HPS4: variants seen among roughly 807,000 people sequenced by gnomAD.
HPS4 encodes BLOC-3 complex member HPS4.
Under a neutral mutation model 70.3 loss-of-function variants are expected in HPS4, and 44 were observed. That is an observed-to-expected ratio of 0.63 (90% CI 0.49 to 0.80). The LOEUF (loss-of-function observed/expected upper bound fraction) is 0.80, where lower values mean the gene tolerates loss of function less well. Among genes scored for constraint, HPS4 ranks in the 30% least tolerant of loss-of-function variants. The probability of loss-of-function intolerance (pLI) is 0.00; values close to 1 mark genes in which losing one functional copy is unlikely to be tolerated. For synonymous variants in HPS4, 377 were observed against 355.9 expected (o/e 1.06, Z -0.67); for missense variants, 873 against 884.4 (o/e 0.99, Z 0.16).
At chr22:26,450,862 C>T (rs988586676), downstream of HPS4, among the ~76,000 whole-genome samples, 2 of 152,352 alleles carry the variant, frequency 1.3e-5, no homozygotes, top group Non-Finnish European at 2.9e-5. Context: ...CCCTGCAGAA[C>T]TGTGAGTCAG....
At chr22:26,445,438 T>A (rs554115721) in intron 3 of HPS4, among the ~76,000 whole-genome samples, 1 of 152,170 alleles carries the variant, frequency 6.6e-6, no homozygotes, top group South Asian at 2.1e-4. Context: ...TCGTGGATAG[T>A]GAATGAAGCA....
Position 26,458,503 on chromosome 22 carries a change from G to C in HPS4, c.1788C>G (p.Ala596=), listed in dbSNP as rs770733264. 5 of 1,614,006 alleles carry C rather than the reference G, an allele frequency of 3.1e-6. No homozygotes were observed. In the African/African-American group the frequency reaches 6.7e-5, roughly 22 times the overall value. Reference sequence around the variant, plus strand: ...TGAAGTTGTAGGTGCTGCTCGTGGAGGCTGCCTCATCCCTGGGCAGCGTCT... The same window carrying C: ...TGAAGTTGTAGGTGCTGCTCGTGGACGCTGCCTCATCCCTGGGCAGCGTCT... ...LKETLPRDEA[A]STSSTYNFTH... is the part of the protein sequence containing the mutation. Residue 596 remains alanine (A), a synonymous_variant, in exon 12 of 14, where the codon GCC becomes GCG. Transcript: ENST00000398145.
At chr22:26,481,612 ATTG>A in intron 2 of HPS4, 107 bp downstream of exon 2, 1 of 1,030,678 alleles carries the variant, frequency 9.7e-7, no homozygotes, top group South Asian at 1.3e-5. Context: ...TGGCATTTTT[ATTG>A]TTATGTTAAT....
intron 4 of HPS4, among the ~76,000 whole-genome samples, chr22:26,473,489 C>T (rs1374645345): frequency 1.3e-5 from 2 of 152,242 alleles, no homozygotes; most frequent in Middle Eastern, 3.4e-3. Context: ...AATACTTGGC[C>T]GGGCACGGTG....
rs149830675 is a variant in HPS4 at position 26,477,019 on chromosome 22, T to C, written c.250A>G (p.Ile84Val). Residue 84 changes from isoleucine (I) to valine (V), a missense_variant, in exon 4 of 14, where the codon ATA (isoleucine) becomes GTA (valine). Physicochemically the swap from Ile to Val is conservative, Grantham distance 29. Transcript: ENST00000398145. ...LVRLRKLKFA[I>V]KVDGDYLWVL... is the part of the protein sequence containing the mutation. ...CAAAGGTAATCTCCATCAACTTTTA[T>C]GGCAAACTTCAGTTTTCTCAGACGA... is the stretch of plus-strand genomic sequence containing the variant. The C allele has an allele frequency of 4.1e-3, 6,538 of 1,614,220 alleles. 38 individuals are homozygous for C. In the Middle Eastern group the frequency reaches 0.051, roughly 13 times the overall value.
downstream of HPS4, chr22:26,443,526 C>T (rs1315045807): frequency 3.0e-5 from 6 of 200,248 alleles, no homozygotes; most frequent in East Asian, 6.1e-4. Flanking sequence ...AGTCTGTCTT[C>T]TGTTGCTACT....
chr22:26,474,380 GAAA>G (rs58084000), intron 4 of HPS4, among the ~76,000 whole-genome samples: 1 of 145,316 alleles, frequency 6.9e-6, no homozygotes. Flanking sequence ...TATCCAGGTG[GAAA>G]AAAAAAAAAA....
Position 26,472,266 on chromosome 22 carries a change from T to C in HPS4, c.501+36A>G, listed in dbSNP as rs369962583. 2.7e-5 allele frequency: 33 copies of C among 1,223,296 alleles called. No homozygotes were observed. In the African/African-American group the frequency reaches 4.3e-4, roughly 16 times the overall value. 75.8% of individuals were successfully genotyped at this position (1,223,296 alleles called of 1,614,324 possible). Reference sequence around the variant, plus strand: ...AAAAAGTATCCAGAAGCCCTAGTCTTACATATAAAATGAATAAGGAGGATG... The same window carrying C: ...AAAAAGTATCCAGAAGCCCTAGTCTCACATATAAAATGAATAAGGAGGATG... On this transcript the variant is annotated intron_variant, in intron 6 of 13. Transcript: ENST00000398145.
downstream of HPS4, among the ~76,000 whole-genome samples, chr22:26,448,191 T>C (rs1181202179): frequency 2.0e-5 from 3 of 152,240 alleles, no homozygotes; most frequent in Non-Finnish European, 4.4e-5. Context: ...TCCTTCTCCC[T>C]GTGCTGGGAG....
chr22:26,453,691 G>A (rs1043057471), intron 13 of HPS4: 41 of 477,462 alleles, frequency 8.6e-5, no homozygotes, highest in Non-Finnish European at 1.1e-4. Flanking sequence ...TAAAGGAACT[G>A]TGGAGTGCTG....
At chr22:26,475,630 GC>G (rs1326055482) in intron 4 of HPS4, 1 of 152,100 alleles carries the variant, frequency 6.6e-6, no homozygotes, top group Non-Finnish European at 1.5e-5. Flanking sequence ...GGGATTACAG[GC>G]CTGAGCCACA....
At chr22:26,470,878 G>A in intron 6 of HPS4, 65 bp from the exon 7 acceptor site, 1 of 1,602,370 alleles carries the variant, frequency 6.2e-7, no homozygotes, top group Non-Finnish European at 8.5e-7. Context: ...GGGAGAAAAG[G>A]GGAAAGGGTT....
Position 26,481,910 on chromosome 22 carries a change from G to C in HPS4, c.-148C>G. 1 of 774,470 alleles carries C rather than the reference G, an allele frequency of 1.3e-6. No homozygotes were observed. The highest frequency in any genetic ancestry group is 2.3e-6 in the Non-Finnish European group (1 of 439,434). 48.0% of individuals were successfully genotyped at this position (774,470 alleles called of 1,614,324 possible). A position where few individuals can be genotyped will look rare whatever the true frequency, so the allele number is the denominator to read the frequency against. ...GTGTTTTCAGTCACAACTGCCACTT[G>C]GTTAGTTTTCACTCAGCATGGAAAG... On this transcript the variant is annotated 5_prime_UTR_variant, in exon 2 of 14. Transcript: ENST00000398145.
At chr22:26,449,929 C>T (rs867809535), downstream of HPS4, among the ~76,000 whole-genome samples, 28 of 152,294 alleles carry the variant, frequency 1.8e-4, no homozygotes, top group Admixed American at 5.2e-4. Flanking sequence ...ACAGTCCCTC[C>T]GCACACTCTA....
At chr22:26,462,462 G>A (rs1027434687) in intron 11 of HPS4, among the ~76,000 whole-genome samples, 5 of 152,240 alleles carry the variant, frequency 3.3e-5, no homozygotes, top group Non-Finnish European at 7.3e-5. Context: ...CAATGAGGCT[G>A]TTTTCTTACT....
chr22:26,472,252 A>G lies in HPS4; in HGVS notation c.501+50T>C. On this transcript the variant is annotated intron_variant, in intron 6 of 13. Transcript: ENST00000398145. ...CTTCAGGAATATTAAAAAAGTATCC[A>G]GAAGCCCTAGTCTTACATATAAAAT... is the stretch of plus-strand genomic sequence containing the variant. 2.7e-6 allele frequency: 3 copies of G among 1,097,790 alleles called. 1 individual carries two copies. The African/African-American group carries it at 4.6e-5, about 17-fold the overall frequency. 68.0% of individuals were successfully genotyped at this position (1,097,790 alleles called of 1,614,324 possible).
In HPS4 at chr22:26,464,053, C is replaced by G; in HGVS notation, c.1577G>C (p.Ser526Thr). The change falls in exon 11 of 14, where the codon AGC (serine) becomes ACC (threonine). Residue 526 changes from serine (S) to threonine (T), a missense_variant. Transcript: ENST00000398145. ...QGAGPSADGI[S>T]SRLTPAESCM... is the part of the protein sequence containing the mutation. ...GGACTCTGCTGGTGTCAGCCTGGAGCTGATTCCATCTGCAGAGGGGCCAGC... is the reference window on the plus strand; with the variant it reads ...GGACTCTGCTGGTGTCAGCCTGGAGGTGATTCCATCTGCAGAGGGGCCAGC... 1.9e-6 allele frequency: 3 copies of G among 1,614,276 alleles called. No homozygotes were observed. Among genetic ancestry groups the G allele is most frequent in the Non-Finnish European group, 2.5e-6 (3 of 1,180,052 alleles).
At chr22:26,445,134 G>C (rs1305471218) in intron 3 of HPS4, 1 of 152,670 alleles carries the variant, frequency 6.6e-6, no homozygotes, top group Non-Finnish European at 1.5e-5. Flanking sequence ...CAAGGAGTTT[G>C]AGACCAGCCT....
At chr22:26,458,066 C>T in intron 12 of HPS4, 99 bp from the exon 13 acceptor site, 1 of 1,055,500 alleles carries the variant, frequency 9.5e-7, no homozygotes. Context: ...GAGCACGGCT[C>T]AAGGCCATGA....
Sources: allele counts gnomAD v4.1 joint callset (sites outside exome capture counted in the v4.1 genomes callset), GRCh38; gene constraint gnomAD v4.1.1; transcripts MANE v1.5; gene names NCBI Gene and HGNC (gene_info 2026-07-23, HGNC 2026-07-21).